RHOG: variants seen among roughly 807,000 people sequenced by gnomAD.
RHOG encodes ras homolog family member G, also known as rho-related GTP-binding protein RhoG.
Under a neutral mutation model 12.3 loss-of-function variants are expected in RHOG, and 1 was observed. That is an observed-to-expected ratio of 0.08 (90% CI 0.03 to 0.39). The LOEUF is 0.39. RHOG is among the 10% of genes least tolerant of loss of function. The probability of loss-of-function intolerance (pLI) is 0.99; values close to 1 mark genes in which losing one functional copy is unlikely to be tolerated. For missense variants in RHOG, 114 were observed against 266.2 expected, an observed-to-expected ratio of 0.43 and a Z score of 3.98; for synonymous variants, 129 against 116.0, an observed-to-expected ratio of 1.11 and a Z score of -0.72.
At chr11:3,834,008 C>T (rs983122404) in intron 1 of RHOG, among the ~76,000 whole-genome samples, 4 of 152,190 alleles carry the variant, frequency 2.6e-5, no homozygotes, top group African/African-American at 9.6e-5. Context: ...CTGCAATCTC[C>T]ACCTCCCGGG....
chr11:3,837,323 A>G (rs1392214443), intron 1 of RHOG, among the ~76,000 whole-genome samples: 1 of 152,064 alleles, frequency 6.6e-6, no homozygotes, highest in Non-Finnish European at 1.5e-5. Flanking sequence ...GTACTCCCCC[A>G]TCTTACTACC....
intron 1 of RHOG, among the ~76,000 whole-genome samples, chr11:3,833,030 A>G (rs1016712768): frequency 1.3e-5 from 2 of 151,952 alleles, no homozygotes; most frequent in African/African-American, 2.4e-5. Context: ...CTCCAGCCTG[A>G]GCAACACAGC....
At chr11:3,830,029 G>A (rs751211447) in intron 1 of RHOG, among the ~76,000 whole-genome samples, 6 of 152,204 alleles carry the variant, frequency 3.9e-5, no homozygotes, top group Non-Finnish European at 7.3e-5. Context: ...TTACAGGCAT[G>A]AGCCACCATG....
chr11:3,828,450 T>G (rs1439245528), intron 1 of RHOG, among the ~76,000 whole-genome samples: 1 of 152,098 alleles, frequency 6.6e-6, no homozygotes, highest in African/African-American at 2.4e-5. Context: ...CAAATCCTGA[T>G]TTTGCTATTT....
At chr11:3,835,522 C>G (rs1223120304) in intron 1 of RHOG, among the ~76,000 whole-genome samples, 1 of 152,122 alleles carries the variant, frequency 6.6e-6, no homozygotes, top group African/African-American at 2.4e-5. Flanking sequence ...CCTCCTCCCC[C>G]ATCAATCCAC....
chr11:3,827,025 C>T lies in RHOG; in HGVS notation c.*538G>A, dbSNP rs2090079880. ...TGATGCTGATGGGGGTAGGAAAGGT[C>T]CCCAGAAGCATGGGGGCTGAGTCAG... is the stretch of plus-strand genomic sequence containing the variant. On this transcript the variant is annotated 3_prime_UTR_variant, in exon 2 of 2. Coordinates refer to ENST00000351018, the MANE Select transcript of RHOG (RefSeq NM_001665.4). This position sits in a 1 kb window ranked among gnomAD's most constrained non-coding sequence, Gnocchi z 7.3. 6.4e-6 allele frequency: 1 copy of T among 156,412 alleles called. No individual in the cohort carries two copies. The highest frequency in any genetic ancestry group is 2.4e-5 in the African/African-American group (1 of 41,454). The allele number at this position is 156,412 out of a possible 1,614,324, so 9.7% of individuals were successfully genotyped here.
intron 1 of RHOG, among the ~76,000 whole-genome samples, chr11:3,831,454 C>T (rs915724290): frequency 3.3e-5 from 5 of 151,996 alleles, no homozygotes; most frequent in South Asian, 2.1e-4. Flanking sequence ...GTGCATGCAA[C>T]GTCAGGACAT....
intron 1 of RHOG, among the ~76,000 whole-genome samples, chr11:3,836,181 C>G (rs1195999076): frequency 2.6e-5 from 4 of 151,480 alleles, no homozygotes. Context: ...GGTGAAACCC[C>G]GTCTCTACTA....
intron 1 of RHOG, among the ~76,000 whole-genome samples, chr11:3,828,407 GC>G (rs891024951): frequency 6.6e-6 from 1 of 152,166 alleles, no homozygotes; most frequent in Admixed American, 6.5e-5. Flanking sequence ...GTGGTAGAAA[GC>G]ACATAAACTC....
chr11:3,838,191 C>T (rs1188226229), intron 1 of RHOG, among the ~76,000 whole-genome samples: 3 of 152,240 alleles, frequency 2.0e-5, no homozygotes, highest in Non-Finnish European at 4.4e-5. Context: ...TTAGCCAAGA[C>T]TTCAGCGGCA....
At position 3,828,013 on chromosome 11, in the gene RHOG, C is replaced by T. The variant is rs376089717; in HGVS notation, c.126G>A (p.Ala42=). The T allele has an allele frequency of 2.4e-5, 38 of 1,614,274 alleles. No homozygotes were observed. Among genetic ancestry groups the T allele is most frequent in the East Asian group, 8.9e-5 (4 of 44,886 alleles). ...YIPTVFDNYS[A]QSAVDGRTVN... is the part of the protein sequence containing the mutation. ...CTGTGCGCCCGTCAACTGCGCTCTG[C>T]GCGCTGTAATTGTCGAACACGGTGG... Residue 42 remains alanine, a synonymous_variant, in exon 2 of 2, where the codon GCG becomes GCA. Transcript: ENST00000351018.
intron 1 of RHOG, among the ~76,000 whole-genome samples, chr11:3,831,398 G>A (rs1348488114): frequency 6.6e-6 from 1 of 151,012 alleles, no homozygotes; most frequent in African/African-American, 2.5e-5. Context: ...CATCCTATTT[G>A]CATGAATGAG....
At chr11:3,839,611 A>ACG (rs1366320104) in intron 1 of RHOG, among the ~76,000 whole-genome samples, 1 of 151,298 alleles carries the variant, frequency 6.6e-6, no homozygotes, top group Non-Finnish European at 1.5e-5. Context: ...AAACACACAC[A>ACG]CACACACACA....
chr11:3,838,554 C>G (rs574497477), intron 1 of RHOG, among the ~76,000 whole-genome samples: 67 of 152,220 alleles, frequency 4.4e-4, no homozygotes, highest in African/African-American at 1.4e-3. Context: ...TTCCCGGACC[C>G]AAACTTCTGT....
At chr11:3,831,576 C>G (rs2090129160) in intron 1 of RHOG, among the ~76,000 whole-genome samples, 1 of 152,078 alleles carries the variant, frequency 6.6e-6, no homozygotes. Flanking sequence ...AAGTTCTAAC[C>G]CCAGCTCTGC....
rs189017167 is a variant in RHOG at position 3,829,940 on chromosome 11, T to A, written c.-68-1734A>T. ...TTTTGTATTTTTAGTAGAGACGGGGTTTCACCATGTTAGTCAGGCTAGTCT... is the reference window on the plus strand; with the variant it reads ...TTTTGTATTTTTAGTAGAGACGGGGATTCACCATGTTAGTCAGGCTAGTCT... On this transcript the variant is annotated intron_variant, in intron 1 of 1. Coordinates refer to ENST00000351018, the MANE Select transcript of RHOG (RefSeq NM_001665.4). Among the ~76,000 whole-genome samples the A allele has an allele frequency of 2.0e-5, 3 of 152,082 alleles. No homozygotes were observed. The East Asian group carries it at 5.8e-4, about 29-fold the overall frequency.
intron 1 of RHOG, among the ~76,000 whole-genome samples, chr11:3,828,679 A>C (rs11029967): frequency 0.37 from 52,586 of 141,884 alleles, 10,288 homozygotes; most frequent in East Asian, 0.55. Context: ...GCTGGAGTGC[A>C]GTGGCGTCAT....
chr11:3,839,782 A>C lies in RHOG; in HGVS notation c.-69+1112T>G, dbSNP rs955803261. ...GTGGGTGGGAGGGAAGGATACAGAG[A>C]GGGTGACAGGCTGAGGGTTCAAAAG... is the stretch of plus-strand genomic sequence containing the variant. On this transcript the variant is annotated intron_variant, in intron 1 of 1. Transcript: ENST00000351018. 5.3e-5 allele frequency among the ~76,000 whole-genome samples: 8 copies of C among 152,198 alleles called. No individual in the cohort carries two copies. The East Asian group carries it at 7.7e-4, about 15-fold the overall frequency.
At position 3,835,835 on chromosome 11, in the gene RHOG, C is replaced by T. The variant is rs527821779; in HGVS notation, c.-69+5059G>A. Among the ~76,000 whole-genome samples, 24 of 149,574 alleles carry T rather than the reference C, an allele frequency of 1.6e-4. No individual in the cohort carries two copies. The South Asian group carries it at 4.2e-3, about 26-fold the overall frequency. ...TGTTGGAAACACTTCCAAAGCTCTA[C>T]AAGTTTGTTTGTTTGTTTGTTTTGA... On this transcript the variant is annotated intron_variant, in intron 1 of 1. Transcript: ENST00000351018.
Sources: allele counts gnomAD v4.1 joint callset (sites outside exome capture counted in the v4.1 genomes callset), GRCh38; gene constraint gnomAD v4.1.1; non-coding constraint Gnocchi (gnomAD v3.1); transcripts MANE v1.5; gene names NCBI Gene and HGNC (gene_info 2026-07-23, HGNC 2026-07-21).